Variants in BTBD7 observed in about 807,000 individuals in gnomAD.
BTBD7 encodes BTB/POZ domain-containing protein 7.
A neutral mutation model predicts 99.9 loss-of-function variants in BTBD7; 38 were observed. That is an observed-to-expected ratio of 0.38 (90% CI 0.29 to 0.50). BTBD7 has a LOEUF of 0.50. BTBD7 is among the 20% of genes least tolerant of loss of function. BTBD7 has a pLI of 0.93. For missense variants in BTBD7, 1,170 were observed against 1,394.6 expected (o/e 0.84, Z 2.57); for synonymous variants, 520 against 511.4 (o/e 1.02, Z -0.23).
In BTBD7 at chr14:93,245,987, A is replaced by T. The variant is rs763799229; in HGVS notation, c.2421T>A (p.Ala807=). The T allele has an allele frequency of 1.2e-5, 19 of 1,613,930 alleles. No individual in the cohort carries two copies. The highest frequency in any genetic ancestry group is 1.6e-5 in the Non-Finnish European group (19 of 1,180,034). The change falls in exon 10 of 11, where the codon GCT becomes GCA. Residue 807 remains alanine (A), a synonymous_variant. Transcript: ENST00000334746. ...AGACTGGGGGAGGGCCAGCTTTAGG[A>T]GCTGTTCTGGAGTGGAACAGCGAAT... ...CNHSLFHSRT[A]PKAGPPPVYL... is the part of the protein sequence containing the mutation.
chr14:93,266,532 G>A (rs1251151081), intron 3 of BTBD7, among the ~76,000 whole-genome samples: 2 of 152,186 alleles, frequency 1.3e-5, no homozygotes, highest in Non-Finnish European at 2.9e-5. Flanking sequence ...CTAGGAAACA[G>A]ACAGATGTTA....
At position 93,237,986 on chromosome 14, in the gene BTBD7, GGA is replaced by G. The variant is rs1283464590; in HGVS notation, c.*4285_*4286del. ...TACAGATGTGGTGCATACACAGCAAGGAGAGTTCAGGAACCTTTATCTCTCAG... is the reference window on the plus strand; with the variant it reads ...TACAGATGTGGTGCATACACAGCAAGGAGTTCAGGAACCTTTATCTCTCAG... On this transcript the variant is annotated 3_prime_UTR_variant, in exon 11 of 11. Coordinates refer to ENST00000334746, the MANE Select transcript of BTBD7 (RefSeq NM_001002860.4). 1.3e-5 allele frequency: 2 copies of G among 152,382 alleles called. No individual in the cohort carries two copies. The highest frequency in any genetic ancestry group is 2.9e-5 in the Non-Finnish European group (2 of 68,042). 9.4% of individuals were successfully genotyped at this position (152,382 alleles called of 1,614,324 possible). A position where few individuals can be genotyped will look rare whatever the true frequency, so the allele number is the denominator to read the frequency against.
intron 6 of BTBD7, chr14:93,255,792 G>C (rs1045423560): frequency 6.6e-6 from 1 of 152,100 alleles, no homozygotes; most frequent in African/African-American, 2.4e-5. Flanking sequence ...CACCACGCCC[G>C]GCCACTATAC....
chr14:93,264,051 T>C, intron 3 of BTBD7, 58 bp from the exon 4 acceptor site: 1 of 1,456,304 alleles, frequency 6.9e-7, no homozygotes, highest in Non-Finnish European at 9.6e-7. Context: ...TATTGAACAT[T>C]AGTGTGCTAG....
intron 10 of BTBD7, chr14:93,244,342 C>T (rs370723183): frequency 1.5e-4 from 31 of 205,190 alleles, no homozygotes; most frequent in Non-Finnish European, 2.9e-4. Flanking sequence ...TTTTGTTTCA[C>T]GGTAAAGATA....
Position 93,253,780 on chromosome 14 carries a change from C to T in BTBD7, c.1619G>A (p.Gly540Asp). The T allele has an allele frequency of 6.4e-7, 1 of 1,574,750 alleles. No individual in the cohort carries two copies. Among genetic ancestry groups the T allele is most frequent in the East Asian group, 2.2e-5 (1 of 44,674 alleles). Reference sequence around the variant, plus strand: ...ATCTGATGGAGGAGTACTAATCAAGCCTCTTTTCATCTAAAAAAAAATTTT... The same window carrying T: ...ATCTGATGGAGGAGTACTAATCAAGTCTCTTTTCATCTAAAAAAAAATTTT... ...SEVLSDAMKR[G>D]LISTPPSDML... Residue 540 changes from glycine (G) to aspartate (D), a missense_variant, in exon 7 of 11, where the codon GGC becomes GAC. Physicochemically the swap from Gly to Asp is moderately conservative, Grantham distance 94 (BLOSUM62 -1). Around this residue, in one of 4 missense-constraint regions of BTBD7, gnomAD observed 309 missense variants for 342.0 expected, o/e 0.90. Transcript: ENST00000334746.
intron 1 of BTBD7, among the ~76,000 whole-genome samples, chr14:93,303,742 C>T (rs1395592287): frequency 1.3e-5 from 2 of 152,230 alleles, no homozygotes; most frequent in Non-Finnish European, 2.9e-5. Flanking sequence ...AGAGCTCACA[C>T]TCCAAATGCT....
At chr14:93,314,638 C>T (rs1188001674) in intron 1 of BTBD7, among the ~76,000 whole-genome samples, 1 of 152,136 alleles carries the variant, frequency 6.6e-6, no homozygotes, top group Non-Finnish European at 1.5e-5. Flanking sequence ...CATATCTTTG[C>T]CCACTCTGCC....
At chr14:93,327,006 C>G (rs545095975) in intron 1 of BTBD7, among the ~76,000 whole-genome samples, 5 of 151,806 alleles carry the variant, frequency 3.3e-5, no homozygotes, top group African/African-American at 9.7e-5. Context: ...TCTCTCACAA[C>G]AAAAATTAGC....
At chr14:93,285,269 C>A (rs2052764158) in intron 3 of BTBD7, among the ~76,000 whole-genome samples, 1 of 152,140 alleles carries the variant, frequency 6.6e-6, no homozygotes, top group Non-Finnish European at 1.5e-5. Flanking sequence ...TCAAGCCACA[C>A]ACTCTTGGAA....
chr14:93,296,096 A>G lies in BTBD7; in HGVS notation c.-45T>C. The stretch of plus-strand genomic sequence containing the variant: ...ATTCCGTCTGCGGGTTCTTCAGAGT[A>G]TAATCCCAGAGGCCTTTATGAACCT... On this transcript the variant is annotated 5_prime_UTR_variant, in exon 2 of 11. Coordinates refer to ENST00000334746, the MANE Select transcript of BTBD7 (RefSeq NM_001002860.4). 1 of 1,604,430 alleles carries G rather than the reference A, an allele frequency of 6.2e-7. No individual in the cohort carries two copies. The highest frequency in any genetic ancestry group is 8.5e-7 in the Non-Finnish European group (1 of 1,175,326).
Position 93,242,260 on chromosome 14 carries a change from T to C in BTBD7, c.*13A>G, listed in dbSNP as rs768977072. On this transcript the variant is annotated 3_prime_UTR_variant, in exon 11 of 11. Coordinates refer to ENST00000334746, the MANE Select transcript of BTBD7 (RefSeq NM_001002860.4). ...GTTTCACATCTCAGGCACAGACGAC[T>C]TGGAGGTTGCTCTCAGAGGGCAGAC... is the stretch of plus-strand genomic sequence containing the variant. The C allele has an allele frequency of 6.2e-7, 1 of 1,609,080 alleles. No individual in the cohort carries two copies. Among genetic ancestry groups the C allele is most frequent in the East Asian group, 2.2e-5 (1 of 44,790 alleles).
chr14:93,278,594 C>A (rs2052682025), intron 3 of BTBD7, among the ~76,000 whole-genome samples: 2 of 152,038 alleles, frequency 1.3e-5, no homozygotes, highest in South Asian at 4.2e-4. Context: ...AAATCTTGGC[C>A]TTAACACTTT....
chr14:93,323,935 C>T (rs2139828089), intron 1 of BTBD7, among the ~76,000 whole-genome samples: 1 of 152,338 alleles, frequency 6.6e-6, no homozygotes, highest in African/African-American at 2.4e-5. Flanking sequence ...CACTATTAGA[C>T]ACTGTGCGAC....
chr14:93,244,501 T>C (rs1006772201), intron 10 of BTBD7, among the ~76,000 whole-genome samples: 1 of 151,894 alleles, frequency 6.6e-6, no homozygotes, highest in African/African-American at 2.4e-5. Flanking sequence ...ATACAAAAAT[T>C]AGCCGGGCGT....
chr14:93,252,368 C>A (rs2052378461), intron 7 of BTBD7, among the ~76,000 whole-genome samples: 1 of 151,404 alleles, frequency 6.6e-6, no homozygotes. Context: ...ACCAAATTTT[C>A]TTTTTTGAAG....
intron 1 of BTBD7, among the ~76,000 whole-genome samples, chr14:93,327,783 G>A (rs950565860): frequency 6.6e-5 from 10 of 151,986 alleles, no homozygotes; most frequent in African/African-American, 2.4e-4. Flanking sequence ...GCTGAGATTA[G>A]GCAAGGAAAA....
At chr14:93,268,521 T>G (rs959553751) in intron 3 of BTBD7, among the ~76,000 whole-genome samples, 1 of 152,218 alleles carries the variant, frequency 6.6e-6, no homozygotes, top group Admixed American at 6.5e-5. Flanking sequence ...TATCAGGCTC[T>G]GTGTTAACTG....
intron 3 of BTBD7, among the ~76,000 whole-genome samples, chr14:93,283,405 A>C (rs2052742949): frequency 6.6e-6 from 1 of 152,242 alleles, no homozygotes. Flanking sequence ...AAATAAAAAG[A>C]AATTTAGACA....
Sources: gnomAD v4.1 joint callset for allele counts (sites outside exome capture counted in the v4.1 genomes callset) on GRCh38, gnomAD v4.1.1 for gene constraint, gnomAD v4.1.1 regional missense constraint, MANE v1.5 for transcripts, NCBI Gene and HGNC (gene_info 2026-07-23, HGNC 2026-07-21) for gene names.